Variants in TANC1 observed in about 807,000 individuals in gnomAD.
TANC1 encodes tetratricopeptide repeat, ankyrin repeat and coiled-coil containing 1, also known as protein TANC1.
A neutral mutation model predicts 149.7 loss-of-function variants in TANC1; 77 were observed. The ratio of observed to expected loss-of-function variants is 0.51; its 90% CI spans 0.43 to 0.62. The LOEUF (loss-of-function observed/expected upper bound fraction) is 0.62. TANC1 is among the 20% of genes least tolerant of loss of function. The pLI is 0.00. For synonymous variants in TANC1, 854 were observed against 925.0 expected (o/e 0.92, Z 1.39); for missense variants, 1,985 against 2,321.8 (o/e 0.85, Z 2.98).
chr2:159,191,365 T>C (rs1440592608), intron 16 of TANC1, among the ~76,000 whole-genome samples: 2 of 152,164 alleles, frequency 1.3e-5, no homozygotes, highest in African/African-American at 2.4e-5. Flanking sequence ...TGCTGAGGGA[T>C]AGAGAGGGCC....
In TANC1 at chr2:159,052,742, A is replaced by G. The variant is rs1574354188; in HGVS notation, c.-15-13154A>G. Among the ~76,000 whole-genome samples the G allele has an allele frequency of 2.0e-5, 3 of 152,358 alleles. No homozygotes were observed. In the South Asian group the frequency reaches 6.2e-4, roughly 32 times the overall value. On this transcript the variant is annotated intron_variant, in intron 2 of 26. Transcript: ENST00000263635. ...ATGAAAGTGGGCAACCAACCATGTA[A>G]GATCAACAGGACATGTAACTTTGTC...
At chr2:159,157,900 T>C (rs2053600227) in intron 7 of TANC1, among the ~76,000 whole-genome samples, 1 of 152,220 alleles carries the variant, frequency 6.6e-6, no homozygotes, top group South Asian at 2.1e-4. Flanking sequence ...CATATGCCCT[T>C]ATGTCTAATT....
intron 19 of TANC1, among the ~76,000 whole-genome samples, chr2:159,204,877 G>A (rs1281260030): frequency 6.6e-6 from 1 of 152,214 alleles, no homozygotes; most frequent in Non-Finnish European, 1.5e-5. Flanking sequence ...TGAATTGAAT[G>A]GGCTATTTAG....
chr2:159,141,741 C>A (rs975149551), intron 5 of TANC1, among the ~76,000 whole-genome samples: 1 of 152,132 alleles, frequency 6.6e-6, no homozygotes, highest in Non-Finnish European at 1.5e-5. Flanking sequence ...GGAAACAGGT[C>A]GTTGACAAAA....
intron 2 of TANC1, among the ~76,000 whole-genome samples, chr2:159,025,770 G>T (rs1433026608): frequency 2.0e-5 from 3 of 152,162 alleles, no homozygotes; most frequent in Non-Finnish European, 2.9e-5. Flanking sequence ...AACTAATCAG[G>T]TTGGCCCCAA....
intron 4 of TANC1, among the ~76,000 whole-genome samples, chr2:159,108,648 T>A (rs6729547): frequency 0.18 from 27,287 of 152,108 alleles, 2,539 homozygotes; most frequent in Middle Eastern, 0.25. Context: ...AACCTGATAT[T>A]CCAGCTCGAC....
chr2:159,083,785 G>A (rs911032240), intron 3 of TANC1, among the ~76,000 whole-genome samples: 2 of 152,052 alleles, frequency 1.3e-5, no homozygotes, highest in Non-Finnish European at 2.9e-5. Context: ...ATGTTAATAT[G>A]GTTAGCTGTA....
intron 1 of TANC1, among the ~76,000 whole-genome samples, chr2:158,994,037 A>G (rs1016651222): frequency 2.0e-5 from 3 of 152,238 alleles, no homozygotes; most frequent in African/African-American, 7.2e-5. Flanking sequence ...GTGCCCTAGT[A>G]TCTCTAGTGC....
intron 9 of TANC1, among the ~76,000 whole-genome samples, chr2:159,170,198 A>G (rs2055049061): frequency 6.6e-6 from 1 of 152,178 alleles, no homozygotes; most frequent in Admixed American, 6.5e-5. Flanking sequence ...CAGATGAACC[A>G]ATGAGACATG....
At chr2:158,978,879 T>C (rs553231385) in intron 1 of TANC1, among the ~76,000 whole-genome samples, 1 of 152,294 alleles carries the variant, frequency 6.6e-6, no homozygotes. Context: ...GTATATAAAG[T>C]GTTTTGAACA....
Position 159,013,896 on chromosome 2 carries a change from G to C in TANC1, c.-16+12707G>C, listed in dbSNP as rs573826269. 4.6e-5 allele frequency among the ~76,000 whole-genome samples: 7 copies of C among 152,284 alleles called. No individual in the cohort carries two copies. In the East Asian group the frequency reaches 1.4e-3, roughly 29 times the overall value. On this transcript the variant is annotated intron_variant, in intron 2 of 26. Transcript: ENST00000263635. ...GAGCTGGTTCTTTCCTAGGCTCCGG[G>C]AGGGATCTGTCCTGGGCCTCGCTCC...
intron 7 of TANC1, among the ~76,000 whole-genome samples, chr2:159,152,964 C>A (rs2053014902): frequency 6.6e-6 from 1 of 151,612 alleles, no homozygotes; most frequent in Admixed American, 6.6e-5. Flanking sequence ...CTCATACAGC[C>A]CTACCCAGTA....
chr2:159,058,378 T>A lies in TANC1; in HGVS notation c.-15-7518T>A, dbSNP rs1374940773. 2.0e-5 allele frequency among the ~76,000 whole-genome samples: 3 copies of A among 152,210 alleles called. No homozygotes were observed. The East Asian group carries it at 5.8e-4, about 29-fold the overall frequency. On this transcript the variant is annotated intron_variant, in intron 2 of 26. Coordinates refer to ENST00000263635, the MANE Select transcript of TANC1 (RefSeq NM_033394.3). ...AGTACTTGGTACCAGAATTCTTAAA[T>A]TATTAGTCCAAACTCCTTGTTGGAA...
chr2:159,029,877 T>TG (rs1322074033), intron 2 of TANC1, among the ~76,000 whole-genome samples: 1 of 152,098 alleles, frequency 6.6e-6, no homozygotes, highest in Non-Finnish European at 1.5e-5. Flanking sequence ...CATAGCGATA[T>TG]GGGGTCTTGC....
chr2:159,185,727 G>GGGT, intron 14 of TANC1, 64 bp from the exon 15 acceptor site: 8 of 1,081,562 alleles, frequency 7.4e-6, no homozygotes, highest in South Asian at 6.8e-5. Context: ...GGTGAATTGA[G>GGGT]GGTGGGTCTG....
intron 1 of TANC1, among the ~76,000 whole-genome samples, chr2:158,985,889 C>T (rs1260377432): frequency 6.6e-6 from 1 of 152,166 alleles, no homozygotes; most frequent in East Asian, 1.9e-4. Context: ...GATCTGCCTG[C>T]CTTGGCCTCT....
chr2:159,058,925 T>A (rs2042039010), intron 2 of TANC1, among the ~76,000 whole-genome samples: 1 of 152,216 alleles, frequency 6.6e-6, no homozygotes, highest in South Asian at 2.1e-4. Context: ...ACCACAATAG[T>A]TTCCACTTAA....
chr2:159,039,763 A>T (rs2040484176), intron 2 of TANC1, among the ~76,000 whole-genome samples: 1 of 152,070 alleles, frequency 6.6e-6, no homozygotes, highest in Non-Finnish European at 1.5e-5. Context: ...GGAGTGCTTT[A>T]TTTCCGGCTA....
At chr2:159,165,479 T>C (rs2054495112) in intron 8 of TANC1, among the ~76,000 whole-genome samples, 2 of 152,220 alleles carry the variant, frequency 1.3e-5, no homozygotes. Context: ...TTTCATGATA[T>C]CTGTTAACAA....
Sources: allele counts gnomAD v4.1 joint callset (sites outside exome capture counted in the v4.1 genomes callset), GRCh38; gene constraint gnomAD v4.1.1; transcripts MANE v1.5; gene names NCBI Gene and HGNC (gene_info 2026-07-23, HGNC 2026-07-21).